Variants in ACSS3 observed in about 807,000 individuals in gnomAD.
ACSS3 encodes acyl-CoA synthetase short chain family member 3, also known as acyl-CoA synthetase short-chain family member 3, mitochondrial.
In ACSS3, 64 loss-of-function variants were observed where a neutral mutation model predicts 84.2. The ratio of observed to expected loss-of-function variants is 0.76; its 90% CI spans 0.62 to 0.94. The LOEUF is 0.94. Among genes scored for constraint, ACSS3 ranks in the 40% least tolerant of loss-of-function variants. ACSS3 has a pLI of 0.00. For synonymous variants in ACSS3, 317 were observed against 310.1 expected, an observed-to-expected ratio of 1.02 and a Z score of -0.23; for missense variants, 815 against 867.6, an observed-to-expected ratio of 0.94 and a Z score of 0.76.
intron 11 of ACSS3, among the ~76,000 whole-genome samples, chr12:81,225,841 G>A (rs1336621413): frequency 6.6e-6 from 1 of 151,930 alleles, no homozygotes; most frequent in Non-Finnish European, 1.5e-5. Context: ...ATGAATGTTT[G>A]TGTTAACGCA....
intron 13 of ACSS3, among the ~76,000 whole-genome samples, chr12:81,250,362 T>G (rs2034112379): frequency 6.6e-6 from 1 of 152,078 alleles, no homozygotes; most frequent in Non-Finnish European, 1.5e-5. Context: ...GACACATAAT[T>G]CTTGAAAATG....
intron 4 of ACSS3, among the ~76,000 whole-genome samples, chr12:81,142,050 T>A (rs900227809): frequency 6.6e-6 from 1 of 152,208 alleles, no homozygotes; most frequent in Non-Finnish European, 1.5e-5. Context: ...ATATGAACAG[T>A]TTTTACAACC....
At chr12:81,198,878 A>T (rs1050331160) in intron 8 of ACSS3, among the ~76,000 whole-genome samples, 2 of 152,176 alleles carry the variant, frequency 1.3e-5, no homozygotes, top group East Asian at 3.8e-4. Flanking sequence ...TTATCATAGG[A>T]TCTCACAAGA....
intron 1 of ACSS3, among the ~76,000 whole-genome samples, chr12:81,103,257 A>G (rs1033075929): frequency 2.6e-5 from 4 of 152,208 alleles, no homozygotes; most frequent in Non-Finnish European, 5.9e-5. Flanking sequence ...GTGTGTTTGT[A>G]TATAGAAAGA....
intron 10 of ACSS3, among the ~76,000 whole-genome samples, chr12:81,218,219 T>G (rs1204446378): frequency 6.6e-6 from 1 of 152,224 alleles, no homozygotes. Context: ...GTCAGAGGAC[T>G]GACTTGATTT....
In ACSS3 at chr12:81,203,517, C is replaced by G. The variant is rs184340442; in HGVS notation, c.1354+4073C>G. Among the ~76,000 whole-genome samples the G allele has an allele frequency of 5.7e-3, 870 of 152,208 alleles. 4 individuals carry two copies. Among genetic ancestry groups the G allele is most frequent in the Non-Finnish European group, 9.1e-3 (618 of 67,996 alleles). On this transcript the variant is annotated intron_variant, in intron 9 of 15. Transcript: ENST00000548058. Reference sequence around the variant, plus strand: ...TTAGTGACTAACATCCTCTTTATTTCATTAAAAAGACATTCTTTTATATCT... The same window carrying G: ...TTAGTGACTAACATCCTCTTTATTTGATTAAAAAGACATTCTTTTATATCT...
intron 7 of ACSS3, among the ~76,000 whole-genome samples, chr12:81,158,857 A>G (rs1430735790): frequency 2.6e-5 from 4 of 152,054 alleles, no homozygotes; most frequent in African/African-American, 9.7e-5. Flanking sequence ...TTGCAGATTC[A>G]TATTAGTCTT....
rs563803705 is a variant in ACSS3 at position 81,151,989 on chromosome 12, C to A, written c.1003-12C>A. The stretch of plus-strand genomic sequence containing the variant: ...GAATAAAATATATTCATTTTATTAT[C>A]TTATTTTTTAGGTGTGGTGGGCAGC... On this transcript the variant is annotated splice_polypyrimidine_tract_variant and intron_variant, in intron 6 of 15. Transcript: ENST00000548058. The A allele has an allele frequency of 1.5e-4, 237 of 1,612,422 alleles. 1 individual carries two copies. The South Asian group carries it at 2.4e-3, about 16-fold the overall frequency.
In ACSS3 at chr12:81,223,727, C is replaced by G. The variant is rs147846505; in HGVS notation, c.1514+3651C>G. 3.3e-5 allele frequency among the ~76,000 whole-genome samples: 5 copies of G among 151,994 alleles called. No homozygotes were observed. The East Asian group carries it at 9.7e-4, about 30-fold the overall frequency. ...TAAAAATAACTTCATATGAAAATCT[C>G]GAGAAAATCCTAAGGACCCCATAGG... On this transcript the variant is annotated intron_variant, in intron 11 of 15. Coordinates refer to ENST00000548058, the MANE Select transcript of ACSS3 (RefSeq NM_024560.4).
rs936920299 is a variant in ACSS3, at chr12:81,258,852, G to GT, written c.*3937dup. 8 of 151,054 alleles carry GT rather than the reference G, an allele frequency of 5.3e-5. No homozygotes were observed. The highest frequency in any genetic ancestry group is 1.3e-4 in the Admixed American group (2 of 15,174). 9.4% of individuals were successfully genotyped at this position (151,054 alleles called of 1,614,324 possible). On this transcript the variant is annotated 3_prime_UTR_variant, in exon 16 of 16. Transcript: ENST00000548058. ...TGAACATGTGGTTCTTAGTAAAGAA[G>GT]TTTTTTTATCTTTTTTTTTTTCTTG...
intron 4 of ACSS3, among the ~76,000 whole-genome samples, chr12:81,139,618 A>AT (rs1197562439): frequency 2.7e-3 from 169 of 62,242 alleles, no homozygotes; most frequent in Admixed American, 0.014. Flanking sequence ...ATATATATAT[A>AT]AAATAATAAT....
Position 81,258,292 on chromosome 12 carries a change from A to G in ACSS3, c.*3370A>G, listed in dbSNP as rs951220882. ...GGAATTATTATTTTTTTTATTGACA[A>G]TGGAAAGGGTTTCTGTTATCATTAC... On this transcript the variant is annotated 3_prime_UTR_variant, in exon 16 of 16. Transcript: ENST00000548058. The G allele has an allele frequency of 6.6e-6, 1 of 152,134 alleles. No homozygotes were observed. Among genetic ancestry groups the G allele is most frequent in the Non-Finnish European group, 1.5e-5 (1 of 68,014 alleles). 9.4% of individuals were successfully genotyped at this position (152,134 alleles called of 1,614,324 possible).
chr12:81,149,437 TA>T (rs1886503924), intron 5 of ACSS3, among the ~76,000 whole-genome samples: 1 of 152,204 alleles, frequency 6.6e-6, no homozygotes, highest in South Asian at 2.1e-4. Context: ...TCTTGAAATG[TA>T]ACCTTCGTGT....
chr12:81,189,211 C>T (rs1274101397), intron 8 of ACSS3, among the ~76,000 whole-genome samples: 1 of 152,022 alleles, frequency 6.6e-6, no homozygotes, highest in Non-Finnish European at 1.5e-5. Context: ...TTTTTGGTGT[C>T]CATACACATA....
At chr12:81,105,600 C>T (rs2121470886) in intron 1 of ACSS3, among the ~76,000 whole-genome samples, 1 of 152,244 alleles carries the variant, frequency 6.6e-6, no homozygotes, top group South Asian at 2.1e-4. Flanking sequence ...AAAAACTTCC[C>T]TAGTTACTCT....
chr12:81,091,460 C>G (rs981274901), intron 1 of ACSS3, among the ~76,000 whole-genome samples: 2 of 151,898 alleles, frequency 1.3e-5, no homozygotes, highest in Admixed American at 1.3e-4. Flanking sequence ...AATATTGGGT[C>G]TTGACTGCTC....
At chr12:81,098,566 A>C (rs527308747) in intron 1 of ACSS3, among the ~76,000 whole-genome samples, 1 of 152,172 alleles carries the variant, frequency 6.6e-6, no homozygotes, top group Non-Finnish European at 1.5e-5. Flanking sequence ...TACCTCACAG[A>C]GTCCTCATGA....
chr12:81,131,903 G>T (rs1383467764), intron 2 of ACSS3, among the ~76,000 whole-genome samples: 1 of 152,090 alleles, frequency 6.6e-6, no homozygotes. Flanking sequence ...TTTTGTCTTT[G>T]GTTCTGTTTA....
rs1426864168 is a variant in ACSS3, at chr12:81,238,086, A to G, written c.1719+4615A>G. Among the ~76,000 whole-genome samples the G allele has an allele frequency of 3.3e-5, 5 of 151,784 alleles. No individual in the cohort carries two copies. In the South Asian group the frequency reaches 8.3e-4, roughly 25 times the overall value. On this transcript the variant is annotated intron_variant, in intron 13 of 15. Coordinates refer to ENST00000548058, the MANE Select transcript of ACSS3 (RefSeq NM_024560.4). ...CATGAATGGGTATTGGATTTTGTCA[A>G]ATGTTTTACTTTTTCTGCATGTACT...
Sources: allele counts gnomAD v4.1 joint callset (sites outside exome capture counted in the v4.1 genomes callset), GRCh38; gene constraint gnomAD v4.1.1; transcripts MANE v1.5; gene names NCBI Gene and HGNC (gene_info 2026-07-23, HGNC 2026-07-21).